The following ZNF836 variants were observed in gnomAD, a reference collection of about 807,000 sequenced individuals.
ZNF836 encodes the protein zinc finger protein 836.
A neutral mutation model predicts 7.4 loss-of-function variants in ZNF836; 12 were observed. The ratio of observed to expected loss-of-function variants is 1.61; its 90% CI spans 1.03 to 2.61. The LOEUF is 2.61. Among genes scored for constraint, ZNF836 ranks in the 30% most tolerant of loss-of-function variants. The pLI is 0.00. For synonymous variants in ZNF836, 365 were observed against 382.6 expected, an observed-to-expected ratio of 0.95 and a Z score of 0.54; for missense variants, 998 against 1,126.2, an observed-to-expected ratio of 0.89 and a Z score of 1.63.
At chr19:52,163,781 A>C (rs546270168) in intron 3 of ZNF836, among the ~76,000 whole-genome samples, 56 of 152,242 alleles carry the variant, frequency 3.7e-4, no homozygotes, top group African/African-American at 1.3e-3. Flanking sequence ...ACACTAGGTA[A>C]GATCTAGTAC....
rs995052996 is a variant in ZNF836, at chr19:52,169,754, C to T, written c.-187G>A. 6 of 149,374 alleles carry T rather than the reference C, an allele frequency of 4.0e-5. No homozygotes were observed. The highest frequency in any genetic ancestry group is 1.3e-4 in the Admixed American group (2 of 14,842). The allele number at this position is 149,374 out of a possible 1,614,324, so 9.3% of individuals were successfully genotyped here. ...GCTGCAGTGAGCGGAGATCATGGCACTGTACTCTAGTCTGACAGAGCAAGA... is the reference window on the plus strand; with the variant it reads ...GCTGCAGTGAGCGGAGATCATGGCATTGTACTCTAGTCTGACAGAGCAAGA... On this transcript the variant is annotated 5_prime_UTR_variant, in exon 2 of 5. In the 5' UTR this introduces an upstream ATG that the reference lacks. Coordinates refer to ENST00000682614, the MANE Select transcript of ZNF836 (RefSeq NM_001102657.3).
Position 52,155,503 on chromosome 19 carries a change from C to T in ZNF836, c.2180G>A (p.Cys727Tyr). The T allele has an allele frequency of 1.2e-6, 2 of 1,614,016 alleles. No homozygotes were observed. Among genetic ancestry groups the T allele is most frequent in the Middle Eastern group, 1.7e-4 (1 of 6,060 alleles). ...TGEKPHKCSHCGRTFSHITGL... is the reference protein window; with the variant it reads ...TGEKPHKCSHYGRTFSHITGL... The stretch of plus-strand genomic sequence containing the variant: ...TGTTATATGACTAAAAGTTCTACCA[C>T]AATGGCTACATTTGTGTGGTTTCTC... Residue 727 changes from cysteine to tyrosine, a missense_variant, in exon 5 of 5, where the codon TGT (cysteine) becomes TAT (tyrosine). Cys to Tyr is a radical substitution (Grantham distance 194). Coordinates refer to ENST00000682614, the MANE Select transcript of ZNF836 (RefSeq NM_001102657.3).
At chr19:52,169,832 T>C (rs1372876964) in intron 1 of ZNF836, 51 bp from the exon 2 acceptor site, 1 of 151,320 alleles carries the variant, frequency 6.6e-6, no homozygotes, top group Non-Finnish European at 1.5e-5. Context: ...GTAGTGACAG[T>C]GACAGTCATT....
Position 52,155,139 on chromosome 19 carries a change from C to G in ZNF836, c.2544G>C (p.Lys848Asn), listed in dbSNP as rs977444624. Reference protein sequence around the residue: ...ECGKAFIERSKLVYHQRNHTG... With the variant: ...ECGKAFIERSNLVYHQRNHTG... The stretch of plus-strand genomic sequence containing the variant: ...TGTGATTTCTTTGATGGTACACCAG[C>G]TTTGACCTTTCAATAAAAGCTTTAC... The change falls in exon 5 of 5, where the codon AAG becomes AAC. Residue 848 changes from lysine (K) to asparagine (N), a missense_variant. Coordinates refer to ENST00000682614, the MANE Select transcript of ZNF836 (RefSeq NM_001102657.3). The G allele has an allele frequency of 1.4e-5, 22 of 1,613,704 alleles. No homozygotes were observed. Among genetic ancestry groups the G allele is most frequent in the Non-Finnish European group, 1.7e-5 (20 of 1,179,932 alleles).
At chr19:52,163,457 A>G (rs190767229) in intron 3 of ZNF836, among the ~76,000 whole-genome samples, 2 of 152,340 alleles carry the variant, frequency 1.3e-5, no homozygotes, top group African/African-American at 4.8e-5. Context: ...TCTAACAAAC[A>G]TCTTAGTTCA....
chr19:52,163,301 T>C (rs2089230216), intron 3 of ZNF836, among the ~76,000 whole-genome samples: 1 of 152,218 alleles, frequency 6.6e-6, no homozygotes, highest in African/African-American at 2.4e-5. Flanking sequence ...TTTAATTCTT[T>C]ACATGGCCAG....
chr19:52,157,576 G>T, intron 4 of ZNF836, 36 bp from the exon 5 acceptor site: 2 of 1,438,830 alleles, frequency 1.4e-6, no homozygotes. Flanking sequence ...TTTTTTCGTT[G>T]GTTTTTTTTT....
intron 1 of ZNF836, among the ~76,000 whole-genome samples, chr19:52,170,724 T>C (rs1024409354): frequency 1.3e-5 from 2 of 152,172 alleles, no homozygotes; most frequent in Non-Finnish European, 2.9e-5. Context: ...GCCGTGTATT[T>C]ATGGGTCTCC....
At chr19:52,159,744 T>TA (rs1487800962) in intron 4 of ZNF836, among the ~76,000 whole-genome samples, 4 of 152,000 alleles carry the variant, frequency 2.6e-5, no homozygotes, top group African/African-American at 9.7e-5. Context: ...ACCAAAGTAA[T>TA]ATGTTTGGAA....
chr19:52,167,472 C>CAAAAAA (rs1165727472), intron 3 of ZNF836, among the ~76,000 whole-genome samples: 8 of 44,086 alleles, frequency 1.8e-4, no homozygotes, highest in Admixed American at 3.3e-4. Flanking sequence ...AACTCCGTCT[C>CAAAAAA]AAAAAAAAAA....
At position 52,156,799 on chromosome 19, in the gene ZNF836, C is replaced by T. The variant is rs972227869; in HGVS notation, c.884G>A (p.Ser295Asn). Residue 295 changes from serine to asparagine, a missense_variant, in exon 5 of 5, where the codon AGT becomes AAT. Coordinates refer to ENST00000682614, the MANE Select transcript of ZNF836 (RefSeq NM_001102657.3). ...TTTGTACGGTTTCTCTCCAGTGTGACTTCTCCGGTGATTTACAAGATCTGA... is the reference window on the plus strand; with the variant it reads ...TTTGTACGGTTTCTCTCCAGTGTGATTTCTCCGGTGATTTACAAGATCTGA... ...QNSDLVNHRR[S>N]HTGEKPYKCN... is the part of the protein sequence containing the mutation. 6 of 1,614,004 alleles carry T rather than the reference C, an allele frequency of 3.7e-6. No individual in the cohort carries two copies. In the Admixed American group the frequency reaches 6.7e-5, roughly 18 times the overall value.
Position 52,155,833 on chromosome 19 carries a change from T to C in ZNF836, c.1850A>G (p.Lys617Arg), listed in dbSNP as rs1336231395. 1.2e-6 allele frequency: 2 copies of C among 1,614,048 alleles called. No individual in the cohort carries two copies. Among genetic ancestry groups the C allele is most frequent in the Admixed American group, 1.7e-5 (1 of 60,010 alleles). Residue 617 changes from lysine (K) to arginine (R), a missense_variant, in exon 5 of 5, where the codon AAG (lysine) becomes AGG (arginine). Coordinates refer to ENST00000682614, the MANE Select transcript of ZNF836 (RefSeq NM_001102657.3). ...QKPYKCNVCG[K>R]VFNDSGNLSN... ...AAGGTTTCCACTGTCATTGAAGACC[T>C]TGCCACACACATTACATTTGTAAGG... is the stretch of plus-strand genomic sequence containing the variant.
intron 3 of ZNF836, among the ~76,000 whole-genome samples, chr19:52,162,759 A>G (rs1350562352): frequency 6.6e-6 from 1 of 152,188 alleles, no homozygotes; most frequent in East Asian, 1.9e-4. Flanking sequence ...TAGATTTCCC[A>G]GTAGATAACT....
chr19:52,157,024 CACAT>C lies in ZNF836; in HGVS notation c.655_658del (p.Met219ValfsTer42). 1 of 1,614,138 alleles carries C rather than the reference CACAT, an allele frequency of 6.2e-7. No homozygotes were observed. The highest frequency in any genetic ancestry group is 1.1e-5 in the South Asian group (1 of 91,086). ...TCTAAAGGCTTTGCCACACCCTTTA[CACAT>C]ATAAGGTTTTTCCCTAATGTGTGTT... On this transcript the variant is annotated frameshift_variant, in exon 5 of 5. Transcript: ENST00000682614. LOFTEE classifies it low-confidence loss of function (END_TRUNC).
intron 4 of ZNF836, among the ~76,000 whole-genome samples, chr19:52,159,426 C>T (rs545765711): frequency 7.9e-5 from 12 of 152,236 alleles, no homozygotes; most frequent in South Asian, 2.1e-4. Context: ...CCTGGGTTTC[C>T]GGGATCAAAC....
At chr19:52,160,207 G>T in intron 4 of ZNF836, 32 of 384,666 alleles carry the variant, frequency 8.3e-5, no homozygotes, top group South Asian at 1.8e-4. Context: ...AAAAAAAAAA[G>T]TACCATTATA....
chr19:52,155,858 G>A lies in ZNF836; in HGVS notation c.1825C>T (p.Pro609Ser). 1 of 1,613,990 alleles carries A rather than the reference G, an allele frequency of 6.2e-7. No homozygotes were observed. Among genetic ancestry groups the A allele is most frequent in the African/African-American group, 1.3e-5 (1 of 75,032 alleles). Reference protein sequence around the residue: ...RHLRIHTGQKPYKCNVCGKVF... With the variant: ...RHLRIHTGQKSYKCNVCGKVF... ...TTGCCACACACATTACATTTGTAAGGTTTCTGCCCAGTATGAATTCTTAGA... is the reference window on the plus strand; with the variant it reads ...TTGCCACACACATTACATTTGTAAGATTTCTGCCCAGTATGAATTCTTAGA... Residue 609 changes from proline (P) to serine (S), a missense_variant, in exon 5 of 5, where the codon CCT becomes TCT. Coordinates refer to ENST00000682614, the MANE Select transcript of ZNF836 (RefSeq NM_001102657.3).
chr19:52,155,924 A>C lies in ZNF836; in HGVS notation c.1759T>G (p.Cys587Gly). The change falls in exon 5 of 5, where the codon TGT (cysteine) becomes GGT (glycine). Residue 587 changes from cysteine to glycine, a missense_variant. Coordinates refer to ENST00000682614, the MANE Select transcript of ZNF836 (RefSeq NM_001102657.3). Reference sequence around the variant, plus strand: ...GAGTAGTTCCTGAAGACTGTGCCACATTCATTACATTGGAAAGGTTTCTCT... The same window carrying C: ...GAGTAGTTCCTGAAGACTGTGCCACCTTCATTACATTGGAAAGGTTTCTCT... ...TGEKPFQCNE[C>G]GTVFRNYSCL... The C allele has an allele frequency of 6.2e-7, 1 of 1,613,988 alleles. No homozygotes were observed. Among genetic ancestry groups the C allele is most frequent in the Non-Finnish European group, 8.5e-7 (1 of 1,179,898 alleles).
rs903207483 is a variant in ZNF836 at position 52,166,332 on chromosome 19, C to A, written c.15+1726G>T. Among the ~76,000 whole-genome samples the A allele has an allele frequency of 1.4e-4, 21 of 152,022 alleles. 1 individual carries two copies. The highest frequency in any genetic ancestry group is 1.2e-3 in the Admixed American group (19 of 15,260). On this transcript the variant is annotated intron_variant, in intron 3 of 4. Transcript: ENST00000682614. ...TTATAAATTTTTTTTTAGCATAAAA[C>A]TGAAATGTTTCCTTGATGCCCCATG... is the stretch of plus-strand genomic sequence containing the variant.
Sources: allele counts gnomAD v4.1 joint callset (sites outside exome capture counted in the v4.1 genomes callset), GRCh38; gene constraint gnomAD v4.1.1; transcripts MANE v1.5; gene names NCBI Gene and HGNC (gene_info 2026-07-23, HGNC 2026-07-21).